STARD13: variants seen among roughly 807,000 people sequenced by gnomAD.
STARD13 encodes the protein StAR related lipid transfer domain containing 13, also known as stAR-related lipid transfer protein 13.
In STARD13, 62 loss-of-function variants were observed where a neutral mutation model predicts 106.4. The observed-to-expected ratio is 0.58, with a 90% CI of 0.48 to 0.72. STARD13 has a LOEUF of 0.72. STARD13 is among the 30% of genes least tolerant of loss of function. The pLI is 0.00. For missense variants in STARD13, 1,387 were observed against 1,424.0 expected (o/e 0.97, Z 0.42); for synonymous variants, 565 against 553.0 (o/e 1.02, Z -0.31).
At chr13:33,157,649 G>C (rs1402027973) in intron 3 of STARD13, among the ~76,000 whole-genome samples, 1 of 152,164 alleles carries the variant, frequency 6.6e-6, no homozygotes, top group Admixed American at 6.5e-5. Flanking sequence ...CAGCCTGGGT[G>C]ACAGAGTGAG....
chr13:33,319,427 G>A (rs565926532), intron 1 of STARD13, among the ~76,000 whole-genome samples: 13 of 152,148 alleles, frequency 8.5e-5, no homozygotes, highest in African/African-American at 1.9e-4. Flanking sequence ...TGCTTTCTGC[G>A]GTGATAAAAA....
At chr13:33,417,978 G>A in the STARD13 span, among the ~76,000 whole-genome samples, 1 of 152,190 alleles carries the variant, frequency 6.6e-6, no homozygotes, top group Non-Finnish European at 1.5e-5. Flanking sequence ...TGTCCAAGAT[G>A]GCCGAATAGG....
intron 3 of STARD13, among the ~76,000 whole-genome samples, chr13:33,147,210 G>A (rs1343359185): frequency 6.6e-6 from 1 of 152,206 alleles, no homozygotes; most frequent in East Asian, 1.9e-4. Flanking sequence ...ATATCTGGGA[G>A]AATGAGATGT....
At chr13:33,491,383 A>T in the STARD13 span, among the ~76,000 whole-genome samples, 4 of 152,200 alleles carry the variant, frequency 2.6e-5, no homozygotes, top group African/African-American at 9.7e-5. Context: ...AGAAATCCCA[A>T]ATCATGTATT....
At chr13:33,187,271 G>GT (rs1183472118) in intron 1 of STARD13, among the ~76,000 whole-genome samples, 4 of 152,174 alleles carry the variant, frequency 2.6e-5, no homozygotes, top group Non-Finnish European at 4.4e-5. Flanking sequence ...CAGACAAGGA[G>GT]TTGCTGAGAA....
At chr13:33,652,385 T>C in the STARD13 span, among the ~76,000 whole-genome samples, 2 of 152,238 alleles carry the variant, frequency 1.3e-5, no homozygotes, top group Admixed American at 6.5e-5. Context: ...CACAATTTGA[T>C]GATTGCATAT....
chr13:33,668,831 A>C, the STARD13 span, among the ~76,000 whole-genome samples: 1 of 152,322 alleles, frequency 6.6e-6, no homozygotes, highest in East Asian at 1.9e-4. Flanking sequence ...GCTCAGCTTC[A>C]GGGAGTGAAG....
the STARD13 span, among the ~76,000 whole-genome samples, chr13:33,485,603 C>T: frequency 6.6e-6 from 1 of 152,118 alleles, no homozygotes; most frequent in African/African-American, 2.4e-5. Flanking sequence ...TGACAAAGAG[C>T]TGAGAATCTG....
rs71071079 is a variant in STARD13 at position 33,123,055 on chromosome 13, CAAAA to C, written c.2082+3022_2082+3025del. On this transcript the variant is annotated intron_variant, in intron 7 of 13. Transcript: ENST00000336934. The stretch of plus-strand genomic sequence containing the variant: ...TGGGTGACAGAGCAAGACTCCATCT[CAAAA>C]AAAAAAAAAAAAAAAAAAAAGCAAG... 1.5e-4 allele frequency among the ~76,000 whole-genome samples: 7 copies of C among 45,840 alleles called. 1 individual carries two copies. The Admixed American group carries it at 2.1e-3, about 14-fold the overall frequency. The allele number at this position is 45,840 out of a possible 152,430, so 30.1% of individuals were successfully genotyped here.
the STARD13 span, among the ~76,000 whole-genome samples, chr13:33,668,757 G>T: frequency 2.0e-5 from 3 of 152,188 alleles, no homozygotes; most frequent in Non-Finnish European, 4.4e-5. Flanking sequence ...TTACAGGGAT[G>T]GTTGGCTAGT....
chr13:33,112,543 ACTAT>A (rs1196360270), intron 9 of STARD13, among the ~76,000 whole-genome samples, 174 bp downstream of exon 9: 1 of 152,132 alleles, frequency 6.6e-6, no homozygotes, highest in Non-Finnish European at 1.5e-5. Context: ...CTATGTATCA[ACTAT>A]CTATCAATCT....
At chr13:33,138,296 T>C (rs1425946216) in intron 4 of STARD13, 1 of 152,154 alleles carries the variant, frequency 6.6e-6, no homozygotes, top group Non-Finnish European at 1.5e-5. Context: ...TTCAATGTCA[T>C]CATGGAGCAA....
chr13:33,354,122 T>A (rs149326272), upstream of STARD13, among the ~76,000 whole-genome samples: 1 of 152,334 alleles, frequency 6.6e-6, no homozygotes, highest in East Asian at 1.9e-4. Context: ...AGAAGACATC[T>A]GAAACACCTC....
chr13:33,227,001 A>C (rs1888660436), intron 1 of STARD13, among the ~76,000 whole-genome samples: 1 of 152,114 alleles, frequency 6.6e-6, no homozygotes, highest in African/African-American at 2.4e-5. Flanking sequence ...AGTTTTAAAG[A>C]GAAGTCACCA....
the STARD13 span, among the ~76,000 whole-genome samples, chr13:33,551,568 CCTTTTTTTTTTTTTTTTT>C: frequency 5.1e-4 from 23 of 44,782 alleles, 5 homozygotes; most frequent in South Asian, 1.9e-3. Flanking sequence ...TTTGCTTTTC[CCTTTTTTTTTTTTTTTTT>C]TTTTTTTTTT....
At chr13:33,113,754 A>G (rs1874961677) in intron 8 of STARD13, among the ~76,000 whole-genome samples, 1 of 152,134 alleles carries the variant, frequency 6.6e-6, no homozygotes, top group Non-Finnish European at 1.5e-5. Context: ...GGTAGTGGGT[A>G]CTGGTTATGC....
At chr13:33,470,565 C>G in the STARD13 span, among the ~76,000 whole-genome samples, 1 of 152,208 alleles carries the variant, frequency 6.6e-6, no homozygotes, top group Non-Finnish European at 1.5e-5. Context: ...TCCTATTTCT[C>G]CACATCCTCT....
chr13:33,141,803 A>G (rs1440109114), intron 4 of STARD13, among the ~76,000 whole-genome samples: 1 of 152,218 alleles, frequency 6.6e-6, no homozygotes. Flanking sequence ...GAGTCTAATA[A>G]GGGGTTGACA....
At chr13:33,163,529 G>C (rs1882888504) in intron 3 of STARD13, among the ~76,000 whole-genome samples, 1 of 145,574 alleles carries the variant, frequency 6.9e-6, no homozygotes, top group African/African-American at 2.5e-5. Flanking sequence ...GGTAAAGCTT[G>C]CAGTGAACTG....
Sources: allele counts gnomAD v4.1 joint callset (sites outside exome capture counted in the v4.1 genomes callset), GRCh38; gene constraint gnomAD v4.1.1; transcripts MANE v1.5; gene names NCBI Gene and HGNC (gene_info 2026-07-23, HGNC 2026-07-21).